The following HSD17B2 variants were observed in gnomAD, a reference collection of about 807,000 sequenced individuals.
HSD17B2 encodes the protein hydroxysteroid 17-beta dehydrogenase 2.
HSD17B2 carries 32 observed loss-of-function variants against 26.9 expected under a neutral mutation model. The ratio of observed to expected loss-of-function variants is 1.19; its 90% CI spans 0.90 to 1.60. The LOEUF (loss-of-function observed/expected upper bound fraction) is 1.60. Among genes scored for constraint, HSD17B2 ranks in the 40% most tolerant of loss-of-function variants. HSD17B2 has a pLI of 0.00. For synonymous variants in HSD17B2, 246 were observed against 186.7 expected (o/e 1.32, Z -2.59); for missense variants, 613 against 468.6 (o/e 1.31, Z -2.85).
intron 3 of HSD17B2, among the ~76,000 whole-genome samples, chr16:82,086,711 C>A (rs1036298105): frequency 1.3e-5 from 2 of 152,172 alleles, no homozygotes; most frequent in African/African-American, 4.8e-5. Context: ...TTGATTAAGG[C>A]AGGTCTTGTT....
At chr16:82,063,994 A>T (rs1054299731) in intron 1 of HSD17B2, among the ~76,000 whole-genome samples, 1 of 152,202 alleles carries the variant, frequency 6.6e-6, no homozygotes, top group African/African-American at 2.4e-5. Context: ...CATCTAAGTC[A>T]TATGGGGAAG....
intron 3 of HSD17B2, among the ~76,000 whole-genome samples, chr16:82,076,995 A>G (rs1216893831): frequency 6.6e-6 from 1 of 152,218 alleles, no homozygotes; most frequent in South Asian, 2.1e-4. Context: ...AAATTATATA[A>G]TATTGATGAA....
intron 2 of HSD17B2, among the ~76,000 whole-genome samples, chr16:82,070,555 TG>T (rs1914675049): frequency 6.6e-6 from 1 of 152,226 alleles, no homozygotes; most frequent in African/African-American, 2.4e-5. Flanking sequence ...ATGCCCGTGA[TG>T]GGGAATTTAT....
intron 1 of HSD17B2, among the ~76,000 whole-genome samples, chr16:82,053,400 A>C (rs1050413303): frequency 6.6e-6 from 1 of 152,198 alleles, no homozygotes; most frequent in African/African-American, 2.4e-5. Flanking sequence ...AAATATCATC[A>C]TTTTTCATTC....
chr16:82,089,323 T>C (rs781755159), intron 3 of HSD17B2, among the ~76,000 whole-genome samples: 3 of 152,238 alleles, frequency 2.0e-5, no homozygotes, highest in Non-Finnish European at 2.9e-5. Flanking sequence ...GGCTGAGTTG[T>C]GTTCCATCAT....
chr16:82,068,133 G>C (rs368528579), intron 1 of HSD17B2, 37 bp from the exon 2 acceptor site: 1 of 1,560,988 alleles, frequency 6.4e-7, no homozygotes, highest in Non-Finnish European at 8.8e-7. Flanking sequence ...TGTCACTCTG[G>C]TTTGACCTCA....
intron 1 of HSD17B2, among the ~76,000 whole-genome samples, chr16:82,038,082 C>T (rs750003030): frequency 1.8e-4 from 28 of 152,184 alleles, no homozygotes; most frequent in Non-Finnish European, 1.5e-5. Flanking sequence ...ACAGCTAAAG[C>T]TCCTTTTAGT....
At chr16:82,096,415 G>C (rs993291991) in intron 4 of HSD17B2, 2 of 151,598 alleles carry the variant, frequency 1.3e-5, no homozygotes, top group South Asian at 2.1e-4. Context: ...GTAGACACAG[G>C]GTTTCACCAT....
At chr16:82,078,891 T>C (rs1338939227) in intron 3 of HSD17B2, among the ~76,000 whole-genome samples, 1 of 152,042 alleles carries the variant, frequency 6.6e-6, no homozygotes, top group Non-Finnish European at 1.5e-5. Context: ...TGGAGAGGAC[T>C]AAGGAGGGGG....
chr16:82,036,187 G>T (rs1011306327), intron 1 of HSD17B2, among the ~76,000 whole-genome samples: 6 of 152,042 alleles, frequency 3.9e-5, no homozygotes, highest in African/African-American at 1.4e-4. Context: ...CAGTTTGCTT[G>T]GCTGCTGTCA....
Position 82,035,841 on chromosome 16 carries a change from G to C in HSD17B2, c.265+152G>C, listed in dbSNP as rs542021143. ...AAGTATTTTTCATGACACTGTTTTC[G>C]TTCCGTTTTTTCCAGGAGGTGCATT... On this transcript the variant is annotated intron_variant, in intron 1 of 4. Coordinates refer to ENST00000199936, the MANE Select transcript of HSD17B2 (RefSeq NM_002153.3). 5 of 841,464 alleles carry C rather than the reference G, an allele frequency of 5.9e-6. No individual in the cohort carries two copies. In the South Asian group the frequency reaches 8.8e-5, roughly 15 times the overall value. The allele number at this position is 841,464 out of a possible 1,614,324, so 52.1% of individuals were successfully genotyped here.
In HSD17B2 at chr16:82,036,606, C is replaced by A. The variant is rs1231833175; in HGVS notation, c.265+917C>A. Among the ~76,000 whole-genome samples the A allele has an allele frequency of 5.9e-5, 9 of 152,172 alleles. No individual in the cohort carries two copies. In the South Asian group the frequency reaches 1.5e-3, roughly 25 times the overall value. On this transcript the variant is annotated intron_variant, in intron 1 of 4. Coordinates refer to ENST00000199936, the MANE Select transcript of HSD17B2 (RefSeq NM_002153.3). The stretch of plus-strand genomic sequence containing the variant: ...CATGGGGATGTGGTTGGGAGAAAAT[C>A]TGGGGCTTGACAATTTGCAGAGAAA...
chr16:82,088,307 G>T (rs1904586037), intron 3 of HSD17B2, among the ~76,000 whole-genome samples: 1 of 152,092 alleles, frequency 6.6e-6, no homozygotes. Flanking sequence ...TAGCACTAAT[G>T]GTAGAAAGCC....
intron 3 of HSD17B2, among the ~76,000 whole-genome samples, chr16:82,078,516 A>G (rs754049492): frequency 4.6e-5 from 7 of 152,204 alleles, no homozygotes; most frequent in Non-Finnish European, 1.0e-4. Flanking sequence ...CCACCGCTAG[A>G]TATGTACCCA....
At chr16:82,061,411 G>C (rs1306744295) in intron 1 of HSD17B2, among the ~76,000 whole-genome samples, 2 of 152,122 alleles carry the variant, frequency 1.3e-5, no homozygotes, top group African/African-American at 4.8e-5. Flanking sequence ...TTAAAGATGG[G>C]GAAACTGGGG....
intron 4 of HSD17B2, chr16:82,094,287 G>A (rs1191769113): frequency 2.6e-5 from 4 of 152,198 alleles, no homozygotes; most frequent in Non-Finnish European, 5.9e-5. Context: ...AGATCATAGA[G>A]TTTTCCTGTC....
At chr16:82,097,561 T>C (rs1904887546) in intron 4 of HSD17B2, 1 of 152,130 alleles carries the variant, frequency 6.6e-6, no homozygotes, top group Non-Finnish European at 1.5e-5. Flanking sequence ...GGCTATCAGT[T>C]TGGAAAAATC....
chr16:82,063,030 T>C (rs1914483565), intron 1 of HSD17B2: 1 of 152,220 alleles, frequency 6.6e-6, no homozygotes, highest in Non-Finnish European at 1.5e-5. Context: ...GCTGGGCCAG[T>C]GCGAAATCCT....
chr16:82,092,108 A>G (rs1904711328), intron 4 of HSD17B2: 1 of 152,168 alleles, frequency 6.6e-6, no homozygotes, highest in Non-Finnish European at 1.5e-5. Flanking sequence ...AGGTTTCTTT[A>G]TTTGGCTTCA....
Sources: gnomAD v4.1 joint callset for allele counts (sites outside exome capture counted in the v4.1 genomes callset) on GRCh38, gnomAD v4.1.1 for gene constraint, MANE v1.5 for transcripts, NCBI Gene and HGNC (gene_info 2026-07-23, HGNC 2026-07-21) for gene names.